Variants in HDAC2 observed in about 807,000 individuals in gnomAD.
HDAC2 encodes YY1-associated factor 1.
HDAC2 carries 5 observed loss-of-function variants against 68.5 expected under a neutral mutation model. The ratio of observed to expected loss-of-function variants is 0.07; its 90% CI spans 0.04 to 0.15. The LOEUF (loss-of-function observed/expected upper bound fraction) is 0.15, where lower values mean the gene tolerates loss of function less well. Ranked by LOEUF, HDAC2 falls within the 10% of genes least tolerant of loss-of-function variation. The pLI is 1.00. For synonymous variants in HDAC2, 182 were observed against 191.3 expected, an observed-to-expected ratio of 0.95 and a Z score of 0.40; for missense variants, 291 against 600.8, an observed-to-expected ratio of 0.48 and a Z score of 5.39.
At position 113,943,379 on chromosome 6, in the gene HDAC2, ATCT is replaced by A. The variant is rs1477457839; in HGVS notation, c.1347_1349del (p.Glu449del). The A allele has an allele frequency of 2.0e-5, 32 of 1,608,826 alleles. No individual in the cohort carries two copies. The highest frequency in any genetic ancestry group is 2.5e-5 in the Non-Finnish European group (30 of 1,178,602). ...TTTTTTTGTCCTCTGTTTCTTTCTT[ATCT>A]TCTTCAATTCTAGCTTTCTTTGCTC... On this transcript the variant is annotated inframe_deletion, in exon 12 of 14. Coordinates refer to ENST00000519065, the MANE Select transcript of HDAC2 (RefSeq NM_001527.4).
At chr6:113,943,620 G>C in intron 11 of HDAC2, 114 bp from the exon 12 acceptor site, 1 of 618,716 alleles carries the variant, frequency 1.6e-6, no homozygotes, top group Non-Finnish European at 2.5e-6. Context: ...AACGTAAAGG[G>C]TAACATGCCT....
At chr6:113,961,997 A>G (rs1189075539) in intron 1 of HDAC2, among the ~76,000 whole-genome samples, 1 of 152,030 alleles carries the variant, frequency 6.6e-6, no homozygotes, top group African/African-American at 2.4e-5. Flanking sequence ...CAAATACTCT[A>G]GTTATTTGAT....
In HDAC2 at chr6:113,934,236, A is replaced by T. The variant is rs893824801; in HGVS notation, c.*6822T>A. 6.6e-6 allele frequency: 1 copy of T among 152,326 alleles called. No homozygotes were observed. The highest frequency in any genetic ancestry group is 1.9e-4 in the East Asian group (1 of 5,188). 9.4% of individuals were successfully genotyped at this position (152,326 alleles called of 1,614,324 possible). On this transcript the variant is annotated 3_prime_UTR_variant, in exon 14 of 14. Transcript: ENST00000519065. ...TGAATGCCAACTATCTGGGTTAATG[A>T]CTATCTGGGTTGATACGCATCTCAA... is the stretch of plus-strand genomic sequence containing the variant.
chr6:113,938,681 T>C lies in HDAC2; in HGVS notation c.*2377A>G, dbSNP rs1582472710. 4 of 152,188 alleles carry C rather than the reference T, an allele frequency of 2.6e-5. No individual in the cohort carries two copies. Among genetic ancestry groups the C allele is most frequent in the African/African-American group, 9.7e-5 (4 of 41,450 alleles). The allele number at this position is 152,188 out of a possible 1,614,324, so 9.4% of individuals were successfully genotyped here. A position where few individuals can be genotyped will look rare whatever the true frequency, so the allele number is the denominator to read the frequency against. ...ATATGAATTTTTTAAAGTATTAGGG[T>C]ATTCTGACATCTTACTATGTTACAT... On this transcript the variant is annotated 3_prime_UTR_variant, in exon 14 of 14. Coordinates refer to ENST00000519065, the MANE Select transcript of HDAC2 (RefSeq NM_001527.4).
intron 12 of HDAC2, among the ~76,000 whole-genome samples, chr6:113,941,985 C>G (rs1776146667): frequency 6.6e-6 from 1 of 151,782 alleles, no homozygotes; most frequent in Admixed American, 6.6e-5. Context: ...AAAAGGTGGC[C>G]CTAACTCTAG....
Position 113,971,096 on chromosome 6 carries a change from G to A in HDAC2, c.-188C>T, listed in dbSNP as rs1174551333. ...GAAGGCTCGGTACCACCCGGCAGAG[G>A]TGCCGAAAGCTCGGAATCGGAGGTG... On this transcript the variant is annotated 5_prime_UTR_variant, in exon 1 of 14. Coordinates refer to ENST00000519065, the MANE Select transcript of HDAC2 (RefSeq NM_001527.4). The A allele has an allele frequency of 1.8e-5, 28 of 1,548,924 alleles. No homozygotes were observed. Among genetic ancestry groups the A allele is most frequent in the Non-Finnish European group, 2.4e-5 (28 of 1,145,584 alleles).
In HDAC2 at chr6:113,943,491, T is replaced by C; in HGVS notation, c.1238A>G (p.Lys413Arg). The change falls in exon 12 of 14, where the codon AAG becomes AGG. Residue 413 changes from lysine to arginine, a missense_variant. By Grantham distance (26) the Lys-to-Arg change is conservative. Transcript: ENST00000519065. The stretch of plus-strand genomic sequence containing the variant: ...GAATTCTTCATCACAAGCTATCCGC[T>C]TGTCTGATGCTCGAACTGCACAGAA... ...DKRISIRASD[K>R]RIACDEEFSD... 1 of 1,603,238 alleles carries C rather than the reference T, an allele frequency of 6.2e-7. No homozygotes were observed. The highest frequency in any genetic ancestry group is 8.5e-7 in the Non-Finnish European group (1 of 1,178,354).
At chr6:113,969,632 C>T (rs1231580722) in intron 1 of HDAC2, 4 of 152,178 alleles carry the variant, frequency 2.6e-5, no homozygotes, top group African/African-American at 7.2e-5. Flanking sequence ...TTTACCAAGC[C>T]TTTGTGAAAT....
chr6:113,944,583 C>A (rs60022441), intron 10 of HDAC2, among the ~76,000 whole-genome samples, 173 bp from the exon 11 acceptor site: 75 of 152,246 alleles, frequency 4.9e-4, no homozygotes, highest in African/African-American at 1.8e-3. Flanking sequence ...TAGCTCACTG[C>A]AGCCTCAAAC....
Position 113,970,945 on chromosome 6 carries a change from C to CTG in HDAC2, c.-38_-37insCA. 1 of 1,544,164 alleles carries CTG rather than the reference C, an allele frequency of 6.5e-7. No individual in the cohort carries two copies. The highest frequency in any genetic ancestry group is 1.2e-5 in the South Asian group (1 of 83,650). The stretch of plus-strand genomic sequence containing the variant: ...CCACCGCCGCCACCGGGCTCCTCCT[C>CTG]CTGCTGCTGCTGCTGCTGCTGCTGC... On this transcript the variant is annotated 5_prime_UTR_variant, in exon 1 of 14. Transcript: ENST00000519065.
intron 10 of HDAC2, 73 bp from the exon 11 acceptor site, chr6:113,944,483 T>A: frequency 2.9e-6 from 4 of 1,357,150 alleles, no homozygotes; most frequent in African/African-American, 1.5e-5. Context: ...GAGAAAATAT[T>A]TAGCAAAAAA....
At chr6:113,969,075 C>A (rs1776908141) in intron 1 of HDAC2, among the ~76,000 whole-genome samples, 1 of 152,174 alleles carries the variant, frequency 6.6e-6, no homozygotes, top group South Asian at 2.1e-4. Context: ...TTAACTTATA[C>A]GCAGGGTTAC....
At position 113,935,548 on chromosome 6, in the gene HDAC2, A is replaced by G. The variant is rs556661978; in HGVS notation, c.*5510T>C. 3 of 152,350 alleles carry G rather than the reference A, an allele frequency of 2.0e-5. No individual in the cohort carries two copies. The highest frequency in any genetic ancestry group is 2.0e-4 in the Admixed American group (3 of 15,306). The allele number at this position is 152,350 out of a possible 1,614,324, so 9.4% of individuals were successfully genotyped here. A position where few individuals can be genotyped will look rare whatever the true frequency, so the allele number is the denominator to read the frequency against. ...AGCTACTGATTTATCAATAGAATAA[A>G]AAATCCACAACACAAAAACAGATTA... On this transcript the variant is annotated 3_prime_UTR_variant, in exon 14 of 14. Coordinates refer to ENST00000519065, the MANE Select transcript of HDAC2 (RefSeq NM_001527.4).
Position 113,953,338 on chromosome 6 carries a change from C to T in HDAC2, c.578G>A (p.Arg193His), listed in dbSNP as rs1036143180. Residue 193 changes from arginine to histidine, a missense_variant, in exon 6 of 14, where the codon CGT becomes CAT. Coordinates refer to ENST00000519065, the MANE Select transcript of HDAC2 (RefSeq NM_001527.4). ...TTTATGGAATGATACCGTCATTACA[C>T]GATCTGTTGTATAAAAAGCTTCTTC... is the stretch of plus-strand genomic sequence containing the variant. ...GVEEAFYTTDRVMTVSFHKYG... is the reference protein window; with the variant it reads ...GVEEAFYTTDHVMTVSFHKYG... 6.2e-7 allele frequency: 1 copy of T among 1,600,916 alleles called. No individual in the cohort carries two copies.
At chr6:113,950,918 T>C (rs890333919) in intron 6 of HDAC2, among the ~76,000 whole-genome samples, 6 of 152,164 alleles carry the variant, frequency 3.9e-5, no homozygotes, top group African/African-American at 1.2e-4. Context: ...ACACCTCCTC[T>C]CCCAATTTTT....
At chr6:113,955,268 C>T (rs1201567481) in intron 5 of HDAC2, among the ~76,000 whole-genome samples, 1 of 151,800 alleles carries the variant, frequency 6.6e-6, no homozygotes, top group East Asian at 1.9e-4. Flanking sequence ...GGCTGGACTG[C>T]AGTGGTGCCA....
intron 1 of HDAC2, among the ~76,000 whole-genome samples, chr6:113,961,952 A>T (rs1436543532): frequency 6.6e-6 from 1 of 152,148 alleles, no homozygotes; most frequent in Non-Finnish European, 1.5e-5. Context: ...AATTACCCAA[A>T]TGAAATGTCT....
chr6:113,959,718 AG>A, intron 2 of HDAC2, 187 bp downstream of exon 2: 1 of 405,060 alleles, frequency 2.5e-6, no homozygotes, highest in South Asian at 5.1e-5. Context: ...TTAAAGGAAA[AG>A]GAAAAAGAGG....
intron 5 of HDAC2, among the ~76,000 whole-genome samples, chr6:113,953,671 A>C (rs1333808004): frequency 1.3e-5 from 2 of 152,212 alleles, no homozygotes; most frequent in Non-Finnish European, 2.9e-5. Context: ...TACATGCTTC[A>C]AAAACATAGC....
Sources: gnomAD v4.1 joint callset for allele counts (sites outside exome capture counted in the v4.1 genomes callset) on GRCh38, gnomAD v4.1.1 for gene constraint, MANE v1.5 for transcripts, NCBI Gene and HGNC (gene_info 2026-07-23, HGNC 2026-07-21) for gene names.